The following RAPGEF4 variants were observed in gnomAD, a reference collection of about 807,000 sequenced individuals.
The protein encoded by RAPGEF4 is RAP guanine-nucleotide-exchange factor (GEF) 4.
RAPGEF4 carries 66 observed loss-of-function variants against 147.9 expected under a neutral mutation model. The ratio of observed to expected loss-of-function variants is 0.45; its 90% CI spans 0.37 to 0.55. The LOEUF (loss-of-function observed/expected upper bound fraction) is 0.55. Among genes scored for constraint, RAPGEF4 ranks in the 20% least tolerant of loss-of-function variants. The pLI is 0.00. For missense variants in RAPGEF4, 1,071 were observed against 1,257.3 expected (o/e 0.85, Z 2.24); for synonymous variants, 419 against 442.7 (o/e 0.95, Z 0.67).
In RAPGEF4 at chr2:173,034,873, AACACACACACACAC is replaced by A. The variant is rs34646146; in HGVS notation, c.2700+933_2700+946del. ...GGGTGACAGAGTGCGACCCCGTCTC[AACACACACACACAC>A]ACACACACACACACACACACACAAA... is the stretch of plus-strand genomic sequence containing the variant. On this transcript the variant is annotated intron_variant, in intron 27 of 30. Coordinates refer to ENST00000397081, the MANE Select transcript of RAPGEF4 (RefSeq NM_007023.4). Among the ~76,000 whole-genome samples, 9 of 140,950 alleles carry A rather than the reference AACACACACACACAC, an allele frequency of 6.4e-5. No individual in the cohort carries two copies. In the South Asian group the frequency reaches 7.2e-4, roughly 11 times the overall value. 92.5% of individuals were successfully genotyped at this position (140,950 alleles called of 152,430 possible). A position where few individuals can be genotyped will look rare whatever the true frequency, so the allele number is the denominator to read the frequency against.
intron 4 of RAPGEF4, among the ~76,000 whole-genome samples, chr2:172,863,886 T>A (rs567272543): frequency 6.6e-6 from 1 of 152,212 alleles, no homozygotes; most frequent in South Asian, 2.1e-4. Context: ...CCACTTTTCA[T>A]GTTAATAATT....
chr2:172,870,122 G>A (rs1377104385), intron 4 of RAPGEF4, among the ~76,000 whole-genome samples: 2 of 152,142 alleles, frequency 1.3e-5, no homozygotes, highest in Non-Finnish European at 2.9e-5. Context: ...CCACTGTGTG[G>A]ATACTGCTGC....
intron 2 of RAPGEF4, 87 bp from the exon 3 acceptor site, chr2:172,797,438 C>A: frequency 2.0e-6 from 2 of 1,022,610 alleles, no homozygotes; most frequent in Non-Finnish European, 3.0e-6. Flanking sequence ...AGGTCCAAGA[C>A]ATGCTTGGAC....
chr2:172,837,274 T>A (rs1461804888), intron 4 of RAPGEF4, among the ~76,000 whole-genome samples: 1 of 152,164 alleles, frequency 6.6e-6, no homozygotes, highest in Non-Finnish European at 1.5e-5. Flanking sequence ...TATTTAATCC[T>A]CCTAACAACA....
intron 3 of RAPGEF4, among the ~76,000 whole-genome samples, chr2:172,813,782 A>C (rs1179077884): frequency 6.6e-6 from 1 of 152,212 alleles, no homozygotes; most frequent in African/African-American, 2.4e-5. Flanking sequence ...TGGCAGCTTT[A>C]TTCATAATAT....
chr2:172,873,138 A>T (rs1382210201), intron 4 of RAPGEF4, among the ~76,000 whole-genome samples: 1 of 152,216 alleles, frequency 6.6e-6, no homozygotes, highest in Non-Finnish European at 1.5e-5. Context: ...CACAGTGAAT[A>T]CAATGTGTCT....
intron 1 of RAPGEF4, among the ~76,000 whole-genome samples, chr2:172,779,491 C>A (rs1298218225): frequency 6.6e-6 from 1 of 152,226 alleles, no homozygotes; most frequent in East Asian, 1.9e-4. Flanking sequence ...GCAGCCAAGA[C>A]ACGAGTGTGT....
chr2:172,935,490 G>A (rs1299550677), intron 6 of RAPGEF4, among the ~76,000 whole-genome samples: 1 of 152,090 alleles, frequency 6.6e-6, no homozygotes, highest in Non-Finnish European at 1.5e-5. Flanking sequence ...ATTGCTTCTC[G>A]CCAGTGATGT....
intron 1 of RAPGEF4, among the ~76,000 whole-genome samples, chr2:172,750,222 C>T (rs938927518): frequency 3.3e-5 from 5 of 151,976 alleles, no homozygotes; most frequent in African/African-American, 1.2e-4. Flanking sequence ...TACCAATTTA[C>T]TGTATTAGTC....
chr2:173,037,038 T>C (rs1684107841), intron 29 of RAPGEF4, among the ~76,000 whole-genome samples: 1 of 152,212 alleles, frequency 6.6e-6, no homozygotes, highest in Non-Finnish European at 1.5e-5. Context: ...AGGATGCCTT[T>C]GAAAGGTTTA....
intron 1 of RAPGEF4, among the ~76,000 whole-genome samples, chr2:172,770,600 T>C (rs1683449636): frequency 1.3e-5 from 2 of 152,180 alleles, no homozygotes; most frequent in South Asian, 4.1e-4. Context: ...CGAATGTACA[T>C]ACCTTGAGGA....
At chr2:172,877,941 TA>T (rs1696156294) in intron 4 of RAPGEF4, among the ~76,000 whole-genome samples, 2 of 152,348 alleles carry the variant, frequency 1.3e-5, no homozygotes, top group South Asian at 4.1e-4. Context: ...TCTTTCACTC[TA>T]AGATGATTGC....
At chr2:172,794,931 G>A (rs1686221165) in intron 1 of RAPGEF4, 94 bp from the exon 2 acceptor site, 1 of 1,231,116 alleles carries the variant, frequency 8.1e-7, no homozygotes, top group Non-Finnish European at 1.1e-6. Flanking sequence ...TGGGATATTT[G>A]GGTAAATTTG....
rs183689948 is a variant in RAPGEF4 at position 172,963,855 on chromosome 2, C to A, written c.699-1707C>A. On this transcript the variant is annotated intron_variant, in intron 8 of 30. Coordinates refer to ENST00000397081, the MANE Select transcript of RAPGEF4 (RefSeq NM_007023.4). ...TAACCCCCCAAAATAACTATACTAG[C>A]GGTCTGCTGTCAATTCTAAATCGTC... 2.2e-4 allele frequency among the ~76,000 whole-genome samples: 33 copies of A among 152,296 alleles called. No individual in the cohort carries two copies. In the South Asian group the frequency reaches 6.6e-3, roughly 31 times the overall value.
At chr2:172,798,885 T>A (rs1686675812) in intron 3 of RAPGEF4, among the ~76,000 whole-genome samples, 1 of 152,192 alleles carries the variant, frequency 6.6e-6, no homozygotes, top group Admixed American at 6.5e-5. Flanking sequence ...TCCTGTGTAA[T>A]CCATAGCATA....
At chr2:172,982,125 C>G (rs1691742152) in intron 10 of RAPGEF4, among the ~76,000 whole-genome samples, 1 of 152,134 alleles carries the variant, frequency 6.6e-6, no homozygotes. Context: ...TGATTTTAAA[C>G]TTGATTTTCA....
At chr2:172,749,397 C>T in intron 1 of RAPGEF4, among the ~76,000 whole-genome samples, 1 of 152,212 alleles carries the variant, frequency 6.6e-6, no homozygotes. Flanking sequence ...GGTTCAACAC[C>T]ATGTGGAAGC....
At chr2:172,881,091 A>C (rs1696566411) in intron 4 of RAPGEF4, among the ~76,000 whole-genome samples, 1 of 152,250 alleles carries the variant, frequency 6.6e-6, no homozygotes, top group South Asian at 2.1e-4. Context: ...TGTCCTGTGC[A>C]CAACACAGAA....
chr2:172,903,197 C>T (rs1699254219), intron 4 of RAPGEF4, among the ~76,000 whole-genome samples: 1 of 151,822 alleles, frequency 6.6e-6, no homozygotes, highest in Non-Finnish European at 1.5e-5. Context: ...GGTGAAACCT[C>T]ATCTCTACTA....
Sources: gnomAD v4.1 joint callset for allele counts (sites outside exome capture counted in the v4.1 genomes callset) on GRCh38, gnomAD v4.1.1 for gene constraint, MANE v1.5 for transcripts, NCBI Gene and HGNC (gene_info 2026-07-23, HGNC 2026-07-21) for gene names.